Variants in RGP1 observed in about 807,000 individuals in gnomAD.
The protein encoded by RGP1 is RAB6A-GEF complex partner protein 2.
A neutral mutation model predicts 44.5 loss-of-function variants in RGP1; 28 were observed. The ratio of observed to expected loss-of-function variants is 0.63; its 90% confidence interval spans 0.47 to 0.86. RGP1 has a LOEUF of 0.86. RGP1 is among the 40% of genes least tolerant of loss of function. The pLI is 0.00. For synonymous variants in RGP1, 212 were observed against 196.7 expected (o/e 1.08, Z -0.65); for missense variants, 417 against 490.7 (o/e 0.85, Z 1.42).
the RGP1 span, among the ~76,000 whole-genome samples, chr9:35,763,619 C>T: frequency 6.6e-6 from 1 of 152,184 alleles, no homozygotes; most frequent in Non-Finnish European, 1.5e-5. Context: ...CGATGGCTCA[C>T]GCCTGTAATC....
At chr9:35,765,724 A>G in the RGP1 span, among the ~76,000 whole-genome samples, 1 of 151,996 alleles carries the variant, frequency 6.6e-6, no homozygotes, top group South Asian at 2.1e-4. Flanking sequence ...GAGAAGTGCC[A>G]TACTGTTTTC....
rs1389811306 is a variant in RGP1 at position 35,750,301 on chromosome 9, C to T, written c.175C>T (p.Arg59Ter). ...CTGCCAGTTCCATGCCAGTGAGAGTCGAGTAGCACTGCCTCCTCCTGACTC... is the reference window on the plus strand; with the variant it reads ...CTGCCAGTTCCATGCCAGTGAGAGTTGAGTAGCACTGCCTCCTCCTGACTC... ...IHCQFHASES[R>*]VALPPPDSSQ... Residue 59 changes from arginine (R) to a stop codon, truncating the protein, a stop_gained, in exon 3 of 9, where the codon CGA becomes TGA. Transcript: ENST00000378078. LOFTEE classifies it high-confidence loss of function. 4 of 1,613,886 alleles carry T rather than the reference C, an allele frequency of 2.5e-6. No homozygotes were observed. Among genetic ancestry groups the T allele is most frequent in the East Asian group, 4.5e-5 (2 of 44,874 alleles).
rs573600564 is a variant in RGP1 at position 35,754,012 on chromosome 9, A to G, written c.*1138A>G. ...CACCCCACTTTACCTTGAGCTTGGA[A>G]GTAGCACTTGCTGTAGACTCCTGGG... On this transcript the variant is annotated 3_prime_UTR_variant, in exon 9 of 9. Transcript: ENST00000378078. The G allele has an allele frequency of 1.2e-4, 196 of 1,613,398 alleles. 1 individual carries two copies. The South Asian group carries it at 2.0e-3, about 16-fold the overall frequency.
rs752569615 is a variant in RGP1 at position 35,749,920 on chromosome 9, A to G, written c.116+49A>G. On this transcript the variant is annotated intron_variant, in intron 2 of 8. Transcript: ENST00000378078. This position sits in a 1 kb window ranked among gnomAD's most constrained non-coding sequence, Gnocchi z 4.4. ...GGTGGCCCTTCTGGGAAGAAGCCAGATTATCTCTGGGGCTGAGGCAGAGCT... is the reference window on the plus strand; with the variant it reads ...GGTGGCCCTTCTGGGAAGAAGCCAGGTTATCTCTGGGGCTGAGGCAGAGCT... 6.5e-6 allele frequency: 9 copies of G among 1,394,408 alleles called. No individual in the cohort carries two copies. The highest frequency in any genetic ancestry group is 9.1e-6 in the Non-Finnish European group (9 of 988,158). The allele number at this position is 1,394,408 out of a possible 1,614,324, so 86.4% of individuals were successfully genotyped here.
the RGP1 span, among the ~76,000 whole-genome samples, chr9:35,771,183 G>T: frequency 1.3e-5 from 2 of 152,122 alleles, no homozygotes; most frequent in South Asian, 2.1e-4. Flanking sequence ...AGTAACTTCC[G>T]TAACAAATAT....
chr9:35,778,729 T>A, the RGP1 span, among the ~76,000 whole-genome samples: 1 of 152,240 alleles, frequency 6.6e-6, no homozygotes, highest in Non-Finnish European at 1.5e-5. Context: ...CCTTCCTGTT[T>A]GCTTTCTCTT....
At position 35,749,898 on chromosome 9, in the gene RGP1, G is replaced by C. The variant is rs773988861; in HGVS notation, c.116+27G>C. ...TGGGGATGCTGGCACTGAAGGTGGT[G>C]GCCCTTCTGGGAAGAAGCCAGATTA... On this transcript the variant is annotated intron_variant, in intron 2 of 8. Coordinates refer to ENST00000378078, the MANE Select transcript of RGP1 (RefSeq NM_001080496.3). This position sits in a 1 kb window ranked among gnomAD's most constrained non-coding sequence, Gnocchi z 4.4. 21 of 1,537,326 alleles carry C rather than the reference G, an allele frequency of 1.4e-5. No individual in the cohort carries two copies. The East Asian group carries it at 4.5e-4, about 33-fold the overall frequency.
the RGP1 span, among the ~76,000 whole-genome samples, chr9:35,785,450 GT>G: frequency 5.1e-5 from 7 of 138,320 alleles, no homozygotes; most frequent in Non-Finnish European, 1.1e-4. Flanking sequence ...TGTTTTACAT[GT>G]ACATTTTCAT....
chr9:35,773,532 T>C, the RGP1 span, among the ~76,000 whole-genome samples: 2 of 152,002 alleles, frequency 1.3e-5, no homozygotes, highest in Non-Finnish European at 2.9e-5. Context: ...AGACGGAGGC[T>C]GCTTTGTCAC....
At chr9:35,784,187 C>G in the RGP1 span, among the ~76,000 whole-genome samples, 1 of 151,982 alleles carries the variant, frequency 6.6e-6, no homozygotes, top group South Asian at 2.1e-4. Context: ...GGTATTAACC[C>G]CTTAGATGCA....
At chr9:35,768,908 G>T in the RGP1 span, among the ~76,000 whole-genome samples, 1 of 152,212 alleles carries the variant, frequency 6.6e-6, no homozygotes, top group Non-Finnish European at 1.5e-5. Flanking sequence ...ACGTTAAACT[G>T]GTTTGGGGGC....
At position 35,755,139 on chromosome 9, in the gene RGP1, C is replaced by G. The variant is rs1827339120; in HGVS notation, c.*2265C>G. On this transcript the variant is annotated 3_prime_UTR_variant, in exon 9 of 9. Transcript: ENST00000378078. Reference sequence around the variant, plus strand: ...CAGTCTTCTTGGATTCAGATCCTGACTCCACTTAGCTATGTAACCTGGTCA... The same window carrying G: ...CAGTCTTCTTGGATTCAGATCCTGAGTCCACTTAGCTATGTAACCTGGTCA... 1 of 152,204 alleles carries G rather than the reference C, an allele frequency of 6.6e-6. No homozygotes were observed. Among genetic ancestry groups the G allele is most frequent in the Non-Finnish European group, 1.5e-5 (1 of 68,030 alleles). The allele number at this position is 152,204 out of a possible 1,614,324, so 9.4% of individuals were successfully genotyped here.
At chr9:35,752,376 C>G (rs1290046605) in intron 8 of RGP1, among the ~76,000 whole-genome samples, 1 of 152,172 alleles carries the variant, frequency 6.6e-6, no homozygotes, top group Non-Finnish European at 1.5e-5. Flanking sequence ...CCTACTAGGA[C>G]CCTGTGATAC....
Position 35,755,475 on chromosome 9 carries a change from A to G in RGP1, c.*2601A>G, listed in dbSNP as rs572258471. ...TCATACTCCTTGTCAGCAGTCCCCA[A>G]CCTTTTTGGTACCAGGGACCGGTTT... On this transcript the variant is annotated 3_prime_UTR_variant, in exon 9 of 9. Transcript: ENST00000378078. 3 of 152,264 alleles carry G rather than the reference A, an allele frequency of 2.0e-5. No homozygotes were observed. Among genetic ancestry groups the G allele is most frequent in the Middle Eastern group, 3.4e-3 (1 of 296 alleles). The allele number at this position is 152,264 out of a possible 1,614,324, so 9.4% of individuals were successfully genotyped here. A position where few individuals can be genotyped will look rare whatever the true frequency, so the allele number is the denominator to read the frequency against.
At chr9:35,766,557 A>G in the RGP1 span, among the ~76,000 whole-genome samples, 101 of 152,268 alleles carry the variant, frequency 6.6e-4, no homozygotes, top group African/African-American at 2.4e-3. Context: ...CTTCCCTTAC[A>G]CCAGGTCACA....
chr9:35,778,179 G>A, the RGP1 span, among the ~76,000 whole-genome samples: 1 of 152,180 alleles, frequency 6.6e-6, no homozygotes, highest in East Asian at 1.9e-4. Context: ...GCGCATGCCT[G>A]TAATCCCAGC....
the RGP1 span, among the ~76,000 whole-genome samples, chr9:35,774,677 T>C: frequency 6.6e-6 from 1 of 152,190 alleles, no homozygotes; most frequent in Middle Eastern, 3.4e-3. Flanking sequence ...TGAGCCGAGA[T>C]TGTGCCGCTG....
chr9:35,765,349 T>TTTTA, the RGP1 span, among the ~76,000 whole-genome samples: 11 of 152,030 alleles, frequency 7.2e-5, no homozygotes, highest in Admixed American at 7.2e-4. Flanking sequence ...TAAGTGAATG[T>TTTTA]TTTACTTGAT....
At chr9:35,762,757 C>T (rs1486991759), downstream of RGP1, among the ~76,000 whole-genome samples, 1 of 151,994 alleles carries the variant, frequency 6.6e-6, no homozygotes, top group African/African-American at 2.4e-5. Context: ...AGCCCTTTTA[C>T]CTATGCTTCA....
Sources: allele counts gnomAD v4.1 joint callset (sites outside exome capture counted in the v4.1 genomes callset), GRCh38; gene constraint gnomAD v4.1.1; non-coding constraint Gnocchi (gnomAD v3.1); transcripts MANE v1.5; gene names NCBI Gene and HGNC (gene_info 2026-07-23, HGNC 2026-07-21).